Variants in IGFBP7 observed in about 807,000 individuals in gnomAD.
IGFBP7 encodes insulin like growth factor binding protein 7, also known as insulin-like growth factor-binding protein 7.
A neutral mutation model predicts 29.4 loss-of-function variants in IGFBP7; 31 were observed. That is an observed-to-expected ratio of 1.05 (90% CI 0.79 to 1.42). IGFBP7 has a LOEUF of 1.42. IGFBP7 is among the 40% of genes most tolerant of loss of function. IGFBP7 has a pLI of 0.00. For synonymous variants in IGFBP7, 172 were observed against 174.9 expected, an observed-to-expected ratio of 0.98 and a Z score of 0.13; for missense variants, 393 against 395.5, an observed-to-expected ratio of 0.99 and a Z score of 0.05.
intron 1 of IGFBP7, among the ~76,000 whole-genome samples, chr4:57,051,722 C>T (rs865849279): frequency 6.6e-6 from 1 of 152,186 alleles, no homozygotes; most frequent in Non-Finnish European, 1.5e-5. Flanking sequence ...CAACATTGCA[C>T]AAGTTATTTC....
intron 1 of IGFBP7, among the ~76,000 whole-genome samples, chr4:57,101,854 G>A (rs1725904968): frequency 6.6e-6 from 1 of 152,034 alleles, no homozygotes; most frequent in Non-Finnish European, 1.5e-5. Flanking sequence ...CCACATAAGA[G>A]TAAAAGACTC....
intron 1 of IGFBP7, among the ~76,000 whole-genome samples, chr4:57,056,160 GC>G (rs1230506516): frequency 6.6e-6 from 1 of 152,052 alleles, no homozygotes; most frequent in African/African-American, 2.4e-5. Flanking sequence ...CATTTTCTGA[GC>G]CGTTTTGTGA....
intron 1 of IGFBP7, among the ~76,000 whole-genome samples, chr4:57,066,330 C>T (rs1724921337): frequency 6.6e-6 from 1 of 152,080 alleles, no homozygotes; most frequent in South Asian, 2.1e-4. Flanking sequence ...GGAACTGGGT[C>T]CTCCTGACAA....
At chr4:57,081,175 C>CAGGGAA (rs1725358000) in intron 1 of IGFBP7, among the ~76,000 whole-genome samples, 1 of 152,080 alleles carries the variant, frequency 6.6e-6, no homozygotes, top group Non-Finnish European at 1.5e-5. Context: ...GGGCAGGGCC[C>CAGGGAA]AGGGAAAGTG....
intron 1 of IGFBP7, among the ~76,000 whole-genome samples, chr4:57,050,099 A>C (rs78702010): frequency 0.077 from 11,632 of 152,018 alleles, 651 homozygotes; most frequent in East Asian, 0.26. Flanking sequence ...AATTAATTTG[A>C]ATATACATCA....
rs1272684115 is a variant in IGFBP7, at chr4:57,100,096, C to T, written c.475+9781G>A. ...CTTTTTTTTTTTTTTTTTGAGACAG[C>T]GTCTCACCTTGTCATCTAGGCTGGA... On this transcript the variant is annotated intron_variant, in intron 1 of 4. Coordinates refer to ENST00000295666, the MANE Select transcript of IGFBP7 (RefSeq NM_001553.3). 3.8e-5 allele frequency among the ~76,000 whole-genome samples: 4 copies of T among 104,236 alleles called. 1 individual carries two copies. The highest frequency in any genetic ancestry group is 6.0e-4 in the East Asian group (2 of 3,308). The allele number at this position is 104,236 out of a possible 152,430, so 68.4% of individuals were successfully genotyped here. A position where few individuals can be genotyped will look rare whatever the true frequency, so the allele number is the denominator to read the frequency against.
chr4:57,040,922 C>T lies in IGFBP7; in HGVS notation c.487G>A (p.Val163Met). The T allele has an allele frequency of 6.2e-7, 1 of 1,613,174 alleles. No homozygotes were observed. The highest frequency in any genetic ancestry group is 8.5e-7 in the Non-Finnish European group (1 of 1,179,102). The change falls in exon 2 of 5, where the codon GTG becomes ATG. Residue 163 changes from valine (V) to methionine (M), a missense_variant. Val to Met is a conservative substitution (Grantham distance 21, BLOSUM62 1). Transcript: ENST00000295666. ...TTCCAGATGTCCTTGGGGGGCGTCACTATGGAAGGACCTGCAGGAGAGGGC... is the reference window on the plus strand; with the variant it reads ...TTCCAGATGTCCTTGGGGGGCGTCATTATGGAAGGACCTGCAGGAGAGGGC... ...KGTCEQGPSI[V>M]TPPKDIWNVT...
At chr4:57,034,682 A>G (rs1724040582) in intron 2 of IGFBP7, among the ~76,000 whole-genome samples, 1 of 152,168 alleles carries the variant, frequency 6.6e-6, no homozygotes, top group African/African-American at 2.4e-5. Context: ...TCGGCTTCAA[A>G]CCTACACTGT....
chr4:57,045,996 G>A (rs1724348186), intron 1 of IGFBP7, among the ~76,000 whole-genome samples: 2 of 152,124 alleles, frequency 1.3e-5, no homozygotes, highest in Admixed American at 1.3e-4. Context: ...AAAGTGCTGG[G>A]ATTACAGGTG....
intron 1 of IGFBP7, among the ~76,000 whole-genome samples, chr4:57,048,033 T>C (rs1192331779): frequency 2.0e-5 from 3 of 149,982 alleles, no homozygotes; most frequent in Non-Finnish European, 4.4e-5. Flanking sequence ...CATGCCTGGC[T>C]TCTCCTTTGC....
intron 2 of IGFBP7, among the ~76,000 whole-genome samples, chr4:57,033,607 A>G (rs1246285847): frequency 6.6e-6 from 1 of 152,108 alleles, no homozygotes; most frequent in East Asian, 1.9e-4. Context: ...TCATTCACTC[A>G]TGCTCTTGGA....
chr4:57,082,046 A>G (rs2109787006), intron 1 of IGFBP7, among the ~76,000 whole-genome samples: 1 of 152,266 alleles, frequency 6.6e-6, no homozygotes, highest in African/African-American at 2.4e-5. Flanking sequence ...GTACTACTAG[A>G]GCAACAGAAA....
At position 57,109,938 on chromosome 4, in the gene IGFBP7, C is replaced by G. The variant is rs1196418812; in HGVS notation, c.414G>C (p.Gln138His). 1 of 1,557,372 alleles carries G rather than the reference C, an allele frequency of 6.4e-7. No individual in the cohort carries two copies. The highest frequency in any genetic ancestry group is 8.6e-7 in the Non-Finnish European group (1 of 1,158,030). Residue 138 changes from glutamine (Q) to histidine (H), a missense_variant, in exon 1 of 5, where the codon CAG (glutamine) becomes CAC (histidine). Gln to His is a conservative substitution (Grantham distance 24). Transcript: ENST00000295666. ...CCTTCTCCCCGCGGCTCTCGGCCCT[C>G]TGGCTGGCGGCGCGCAGCTGGCAGC... ...PSGCQLRAAS[Q>H]RAESRGEKAI... is the part of the protein sequence containing the mutation.
chr4:57,031,027 G>T lies in IGFBP7; in HGVS notation c.*290C>A. On this transcript the variant is annotated 3_prime_UTR_variant, in exon 5 of 5. Transcript: ENST00000295666. ...GTCAACAAGATAATTAAATATCTTGGTGTCTTGTTTCTATTGTGTGGCTTT... is the reference window on the plus strand; with the variant it reads ...GTCAACAAGATAATTAAATATCTTGTTGTCTTGTTTCTATTGTGTGGCTTT... The T allele has an allele frequency of 1.2e-5, 14 of 1,191,816 alleles. No homozygotes were observed. The highest frequency in any genetic ancestry group is 3.0e-5 in the African/African-American group (2 of 67,054). The allele number at this position is 1,191,816 out of a possible 1,614,324, so 73.8% of individuals were successfully genotyped here. A position where few individuals can be genotyped will look rare whatever the true frequency, so the allele number is the denominator to read the frequency against.
At chr4:57,053,018 T>A (rs1724548358) in intron 1 of IGFBP7, among the ~76,000 whole-genome samples, 1 of 130,656 alleles carries the variant, frequency 7.7e-6, no homozygotes, top group Non-Finnish European at 1.7e-5. Context: ...TTCTTTTCTA[T>A]CTTTTTTTTT....
chr4:57,057,461 A>G (rs1021714352), intron 1 of IGFBP7, among the ~76,000 whole-genome samples: 2 of 152,332 alleles, frequency 1.3e-5, no homozygotes, highest in South Asian at 2.1e-4. Context: ...CTGGCCTTGG[A>G]GATTTTATTC....
chr4:57,037,073 A>G (rs116686317), intron 2 of IGFBP7, among the ~76,000 whole-genome samples: 4,397 of 152,322 alleles, frequency 0.029, 96 homozygotes, highest in Non-Finnish European at 0.046. Context: ...TGACACCTTC[A>G]TAAGTGGTAA....
At chr4:57,082,971 T>C (rs1725408544) in intron 1 of IGFBP7, among the ~76,000 whole-genome samples, 1 of 152,198 alleles carries the variant, frequency 6.6e-6, no homozygotes, top group Non-Finnish European at 1.5e-5. Context: ...TATTATGTAT[T>C]AGCTTTATTA....
At chr4:57,034,386 A>T (rs1724030688) in intron 2 of IGFBP7, among the ~76,000 whole-genome samples, 1 of 152,026 alleles carries the variant, frequency 6.6e-6, no homozygotes, top group Non-Finnish European at 1.5e-5. Context: ...TTGTTTGTTC[A>T]TTCCATCCCA....
Sources: gnomAD v4.1 joint callset for allele counts (sites outside exome capture counted in the v4.1 genomes callset) on GRCh38, gnomAD v4.1.1 for gene constraint, MANE v1.5 for transcripts, NCBI Gene and HGNC (gene_info 2026-07-23, HGNC 2026-07-21) for gene names.